Variants in MROH2B observed in about 807,000 individuals in gnomAD.
MROH2B encodes the protein maestro heat-like repeat-containing protein family member 2B.
In MROH2B, 177 loss-of-function variants were observed where a neutral mutation model predicts 208.6. The ratio of observed to expected loss-of-function variants is 0.85; its 90% CI spans 0.75 to 0.96. The LOEUF is 0.96. MROH2B is among the 40% of genes least tolerant of loss of function. The pLI, the probability that MROH2B is intolerant of heterozygous loss-of-function variation, is 0.00. For synonymous variants in MROH2B, 728 were observed against 659.0 expected (o/e 1.10, Z -1.60); for missense variants, 2,002 against 1,878.7 (o/e 1.07, Z -1.21).
intron 18 of MROH2B, 48 bp from the exon 19 acceptor site, chr5:41,042,256 G>T: frequency 1.7e-6 from 2 of 1,154,054 alleles, no homozygotes; most frequent in South Asian, 2.7e-5. Flanking sequence ...TGGAAAGCAA[G>T]ACTCTGATGA....
At chr5:41,057,645 C>G (rs1315867368) in intron 7 of MROH2B, among the ~76,000 whole-genome samples, 1 of 141,778 alleles carries the variant, frequency 7.1e-6, no homozygotes, top group Non-Finnish European at 1.5e-5. Flanking sequence ...TAACCTCCGC[C>G]TCTCGGGTTC....
rs775611593 is a variant in MROH2B, at chr5:41,018,978, T to A, written c.2482A>T (p.Ile828Phe). 4.3e-6 allele frequency: 7 copies of A among 1,613,770 alleles called. No individual in the cohort carries two copies. Among genetic ancestry groups the A allele is most frequent in the Non-Finnish European group, 5.9e-6 (7 of 1,179,870 alleles). The stretch of plus-strand genomic sequence containing the variant: ...AGCCTCCGAATATTCTCCTCAAGAA[T>A]GTTAAGGTGGTCTTGTAGTGAGAGC... ...PQLSLQDHLNILEENIRRLLP... is the reference protein window; with the variant it reads ...PQLSLQDHLNFLEENIRRLLP... The change falls in exon 25 of 42, where the codon ATT becomes TTT. Residue 828 changes from isoleucine (I) to phenylalanine (F), a missense_variant. Physicochemically the swap from Ile to Phe is conservative, Grantham distance 21. Transcript: ENST00000399564.
At chr5:41,061,801 G>A in intron 5 of MROH2B, 77 bp from the exon 6 acceptor site, 1 of 1,429,362 alleles carries the variant, frequency 7.0e-7, no homozygotes, top group Non-Finnish European at 9.4e-7. Context: ...TGAGAAGAGA[G>A]TGCTGATGAT....
chr5:41,033,097 C>T lies in MROH2B; in HGVS notation c.2305G>A (p.Ala769Thr), dbSNP rs1742630311. ...GAAAACTGGAACCCCTGATCCTCAG[C>T]ATCTTGGACAGCAATGCCAATCTCA... is the stretch of plus-strand genomic sequence containing the variant. ...ITEIGIAVQD[A>T]EDQGFQFSYK... Residue 769 changes from alanine to threonine, a missense_variant, in exon 23 of 42, where the codon GCT (alanine) becomes ACT (threonine). By Grantham distance (58) the Ala-to-Thr change is moderately conservative (BLOSUM62 0). Coordinates refer to ENST00000399564, the MANE Select transcript of MROH2B (RefSeq NM_173489.5). The T allele has an allele frequency of 1.2e-6, 2 of 1,613,002 alleles. No homozygotes were observed. The highest frequency in any genetic ancestry group is 1.6e-4 in the Middle Eastern group (1 of 6,076).
intron 34 of MROH2B, 133 bp downstream of exon 34, chr5:41,007,181 T>A (rs1403084343): frequency 1.2e-6 from 1 of 838,978 alleles, no homozygotes; most frequent in East Asian, 3.3e-5. Context: ...CTTTCTTTCC[T>A]GTTTGTCCTC....
At chr5:41,039,657 G>A (rs2150170602) in intron 19 of MROH2B, 102 bp from the exon 20 acceptor site, 2 of 747,730 alleles carry the variant, frequency 2.7e-6, no homozygotes, top group South Asian at 2.1e-5. Context: ...TAGGTGCTGG[G>A]GGTACAGTAG....
At chr5:41,011,732 A>G (rs1282691681) in intron 30 of MROH2B, among the ~76,000 whole-genome samples, 1 of 151,746 alleles carries the variant, frequency 6.6e-6, no homozygotes, top group East Asian at 1.9e-4. Flanking sequence ...CAGTTGCACA[A>G]TCTCAGCTCA....
chr5:41,000,477 T>C (rs1347417389), intron 38 of MROH2B, 126 bp from the exon 39 acceptor site: 8 of 1,369,410 alleles, frequency 5.8e-6, no homozygotes, highest in Non-Finnish European at 7.8e-6. Flanking sequence ...TTTATAGTCA[T>C]TGCTGGCACC....
Position 41,033,106 on chromosome 5 carries a change from C to G in MROH2B, c.2296G>C (p.Val766Leu), listed in dbSNP as rs1742630663. 6.2e-7 allele frequency: 1 copy of G among 1,612,978 alleles called. No individual in the cohort carries two copies. The highest frequency in any genetic ancestry group is 1.3e-5 in the African/African-American group (1 of 74,890). ...TRSITEIGIA[V>L]QDAEDQGFQF... ...AACCCCTGATCCTCAGCATCTTGGA[C>G]AGCAATGCCAATCTCAGTGATGCTT... Residue 766 changes from valine (V) to leucine (L), a missense_variant, in exon 23 of 42, where the codon GTC becomes CTC. Physicochemically the swap from Val to Leu is conservative, Grantham distance 32. Transcript: ENST00000399564.
intron 28 of MROH2B, 46 bp from the exon 29 acceptor site, chr5:41,015,524 TA>T (rs758943940): frequency 4.3e-5 from 68 of 1,567,102 alleles, no homozygotes; most frequent in Non-Finnish European, 5.6e-5. Flanking sequence ...AAAGACCTGA[TA>T]GGGGTTGAAG....
intron 24 of MROH2B, among the ~76,000 whole-genome samples, chr5:41,021,591 A>T (rs1384995636): frequency 6.6e-6 from 1 of 152,208 alleles, no homozygotes; most frequent in East Asian, 1.9e-4. Flanking sequence ...AAAGACAGAC[A>T]TATAGGCCAG....
chr5:41,061,420 G>T (rs1384479424), intron 6 of MROH2B, 150 bp downstream of exon 6: 2 of 617,508 alleles, frequency 3.2e-6, no homozygotes, highest in Admixed American at 3.1e-5. Context: ...ATTTGAAATA[G>T]GTGGGAAAAA....
At chr5:41,009,430 G>A (rs1741705594) in intron 31 of MROH2B, 24 bp from the exon 32 acceptor site, 2 of 1,610,948 alleles carry the variant, frequency 1.2e-6, no homozygotes, top group African/African-American at 2.7e-5. Context: ...GCAGGAAATT[G>A]GTAGATAAGG....
chr5:41,041,233 A>G (rs1742936442), intron 19 of MROH2B, among the ~76,000 whole-genome samples: 1 of 152,176 alleles, frequency 6.6e-6, no homozygotes, highest in African/African-American at 2.4e-5. Flanking sequence ...ATATCTTATA[A>G]TTTCTGAGGA....
Position 41,012,569 on chromosome 5 carries a change from G to T in MROH2B, c.3135+14C>A. ...AGAAATCTGTTCAGTTGTTAAAACT[G>T]GCTATCAGTTCACCTGATCTTCCAG... On this transcript the variant is annotated intron_variant, in intron 30 of 41. Transcript: ENST00000399564. 1 of 1,602,608 alleles carries T rather than the reference G, an allele frequency of 6.2e-7. No individual in the cohort carries two copies. The highest frequency in any genetic ancestry group is 8.5e-7 in the Non-Finnish European group (1 of 1,176,416).
chr5:41,016,896 A>T (rs566469367), intron 28 of MROH2B, among the ~76,000 whole-genome samples: 1 of 151,388 alleles, frequency 6.6e-6, no homozygotes, highest in Admixed American at 6.6e-5. Context: ...ACCTACTTTG[A>T]CTCTGCTGAA....
intron 21 of MROH2B, 79 bp from the exon 22 acceptor site, chr5:41,033,943 C>T: frequency 6.5e-7 from 1 of 1,538,036 alleles, no homozygotes; most frequent in East Asian, 2.5e-5. Context: ...AAGGACTCAC[C>T]CATCAACCTG....
At chr5:41,065,226 A>G in intron 4 of MROH2B, 105 bp downstream of exon 4, 1 of 1,139,904 alleles carries the variant, frequency 8.8e-7, no homozygotes, top group Admixed American at 2.7e-5. Flanking sequence ...CTTGGTACAG[A>G]AGAAGGCAGA....
intron 24 of MROH2B, among the ~76,000 whole-genome samples, chr5:41,024,164 G>A (rs995511450): frequency 1.4e-4 from 21 of 152,224 alleles, no homozygotes; most frequent in African/African-American, 5.1e-4. Context: ...ATAATGACAG[G>A]ATCAAATTCA....
Sources: allele counts gnomAD v4.1 joint callset (sites outside exome capture counted in the v4.1 genomes callset), GRCh38; gene constraint gnomAD v4.1.1; transcripts MANE v1.5; gene names NCBI Gene and HGNC (gene_info 2026-07-23, HGNC 2026-07-21).